The following RFX3 variants were observed in gnomAD, a reference collection of about 807,000 sequenced individuals.
RFX3 encodes the protein transcription factor RFX3.
In RFX3, 14 loss-of-function variants were observed where a neutral mutation model predicts 98.6. That is an observed-to-expected ratio of 0.14 (90% CI 0.09 to 0.22). RFX3 has a LOEUF of 0.22. Among genes scored for constraint, RFX3 ranks in the 10% least tolerant of loss-of-function variants. The pLI is 1.00. For synonymous variants in RFX3, 383 were observed against 328.4 expected, an observed-to-expected ratio of 1.17 and a Z score of -1.80; for missense variants, 639 against 926.9, an observed-to-expected ratio of 0.69 and a Z score of 4.03.
chr9:3,399,436 C>T lies in RFX3; in HGVS notation c.-8-3840G>A, dbSNP rs181261329. On this transcript the variant is annotated intron_variant, in intron 1 of 16. Coordinates refer to ENST00000617270, the MANE Select transcript of RFX3 (RefSeq NM_001282116.2). ...TCCAGCCTGGGCGACAAGACCAAAA[C>T]TCCGTCTCAAAACAAAAAACAAAAA... Among the ~76,000 whole-genome samples, 3 of 151,808 alleles carry T rather than the reference C, an allele frequency of 2.0e-5. 1 individual carries two copies. Among genetic ancestry groups the T allele is most frequent in the Non-Finnish European group, 4.4e-5 (3 of 67,906 alleles).
At chr9:3,449,668 A>G (rs1024948855) in intron 1 of RFX3, among the ~76,000 whole-genome samples, 2 of 152,084 alleles carry the variant, frequency 1.3e-5, no homozygotes, top group African/African-American at 4.8e-5. Context: ...CCTGGGCAAC[A>G]TGGCAAGACC....
At chr9:3,480,391 T>C (rs1849637088) in intron 1 of RFX3, among the ~76,000 whole-genome samples, 1 of 152,202 alleles carries the variant, frequency 6.6e-6, no homozygotes, top group Non-Finnish European at 1.5e-5. Context: ...CACAAAAGCA[T>C]AAGTTGTCGG....
At chr9:3,507,302 A>G (rs1587895003) in intron 1 of RFX3, among the ~76,000 whole-genome samples, 2 of 152,068 alleles carry the variant, frequency 1.3e-5, no homozygotes, top group Middle Eastern at 6.8e-3. Context: ...ATAAAGGATG[A>G]GAACTAAGTT....
At chr9:3,448,508 C>A (rs1471481763) in intron 1 of RFX3, among the ~76,000 whole-genome samples, 1 of 152,138 alleles carries the variant, frequency 6.6e-6, no homozygotes, top group East Asian at 1.9e-4. Flanking sequence ...CCACATATTT[C>A]TTTTTCTTCT....
At chr9:3,492,098 A>G (rs567896838) in intron 1 of RFX3, among the ~76,000 whole-genome samples, 3 of 152,192 alleles carry the variant, frequency 2.0e-5, no homozygotes, top group Admixed American at 6.5e-5. Context: ...AATCAGTACT[A>G]GATGCTTGGC....
chr9:3,319,365 T>G (rs1291623098), intron 4 of RFX3, among the ~76,000 whole-genome samples: 5 of 152,184 alleles, frequency 3.3e-5, no homozygotes, highest in African/African-American at 1.2e-4. Flanking sequence ...CTTTTTTTTT[T>G]TCATTGCCAG....
At chr9:3,325,257 C>T (rs1831781170) in intron 4 of RFX3, among the ~76,000 whole-genome samples, 1 of 152,102 alleles carries the variant, frequency 6.6e-6, no homozygotes, top group Non-Finnish European at 1.5e-5. Context: ...AATTCATAAA[C>T]ATGCCAAACC....
intron 2 of RFX3, among the ~76,000 whole-genome samples, chr9:3,349,610 A>G (rs1227129194): frequency 6.6e-6 from 1 of 151,798 alleles, no homozygotes; most frequent in East Asian, 1.9e-4. Context: ...AACCATTTTC[A>G]CTATGTTTAG....
chr9:3,509,283 T>G (rs1397147517), intron 1 of RFX3, among the ~76,000 whole-genome samples: 1 of 151,986 alleles, frequency 6.6e-6, no homozygotes, highest in African/African-American at 2.4e-5. Context: ...GCCAGTATTT[T>G]ACTTTTGTTC....
chr9:3,264,013 G>C (rs1468414911), intron 12 of RFX3, among the ~76,000 whole-genome samples: 1 of 152,036 alleles, frequency 6.6e-6, no homozygotes, highest in Non-Finnish European at 1.5e-5. Flanking sequence ...TTCATTCCTA[G>C]GGATGGTTAG....
intron 7 of RFX3, among the ~76,000 whole-genome samples, chr9:3,285,372 T>G (rs1310436085): frequency 6.6e-6 from 1 of 151,860 alleles, no homozygotes; most frequent in Non-Finnish European, 1.5e-5. Flanking sequence ...ATTGAAAATT[T>G]TTTTAAGCCA....
intron 7 of RFX3, among the ~76,000 whole-genome samples, chr9:3,279,172 C>T (rs1825616586): frequency 6.6e-6 from 1 of 151,752 alleles, no homozygotes; most frequent in African/African-American, 2.4e-5. Context: ...AGAGCAGTTG[C>T]TAGCCATTCT....
chr9:3,459,269 T>A (rs1460200932), intron 1 of RFX3, among the ~76,000 whole-genome samples: 1 of 152,196 alleles, frequency 6.6e-6, no homozygotes, highest in Admixed American at 6.5e-5. Context: ...AGGTGACAAC[T>A]GTTTGCTGTG....
At chr9:3,320,422 C>T (rs910593860) in intron 4 of RFX3, among the ~76,000 whole-genome samples, 5 of 151,730 alleles carry the variant, frequency 3.3e-5, no homozygotes, top group Admixed American at 2.0e-4. Flanking sequence ...GGTGTGGTGG[C>T]GCATGCCTGT....
At chr9:3,424,750 G>C (rs1207984227) in intron 1 of RFX3, among the ~76,000 whole-genome samples, 1 of 151,994 alleles carries the variant, frequency 6.6e-6, no homozygotes, top group Non-Finnish European at 1.5e-5. Context: ...TTCATGCTCT[G>C]CAATTCCATA....
At chr9:3,475,400 C>T (rs896396580) in intron 1 of RFX3, among the ~76,000 whole-genome samples, 1 of 151,178 alleles carries the variant, frequency 6.6e-6, no homozygotes, top group Non-Finnish European at 1.5e-5. Flanking sequence ...TTATTGGAAA[C>T]AAGGCAAAAG....
chr9:3,312,819 G>T (rs1830120732), intron 4 of RFX3, among the ~76,000 whole-genome samples: 1 of 152,210 alleles, frequency 6.6e-6, no homozygotes, highest in Non-Finnish European at 1.5e-5. Flanking sequence ...GCTGGGAGAG[G>T]GGCGTCCGCC....
chr9:3,348,799 T>C (rs971087394), intron 2 of RFX3, among the ~76,000 whole-genome samples: 2 of 152,050 alleles, frequency 1.3e-5, no homozygotes, highest in Non-Finnish European at 1.5e-5. Flanking sequence ...AATTGTCCCA[T>C]TGTTGGCCAA....
rs191414013 is a variant in RFX3, at chr9:3,504,350, C to T, written c.-9+21397G>A. Among the ~76,000 whole-genome samples, 581 of 115,376 alleles carry T rather than the reference C, an allele frequency of 5.0e-3. 14 individuals are homozygous for T. Among genetic ancestry groups the T allele is most frequent in the Middle Eastern group, 0.022 (4 of 182 alleles). 75.7% of individuals were successfully genotyped at this position (115,376 alleles called of 152,430 possible). ...AAAATATATATTATATGCCACATAG[C>T]ATATATTGTATATAAAATATATATT... On this transcript the variant is annotated intron_variant, in intron 1 of 16. Coordinates refer to ENST00000617270, the MANE Select transcript of RFX3 (RefSeq NM_001282116.2).
Sources: allele counts gnomAD v4.1 joint callset (sites outside exome capture counted in the v4.1 genomes callset), GRCh38; gene constraint gnomAD v4.1.1; transcripts MANE v1.5; gene names NCBI Gene and HGNC (gene_info 2026-07-23, HGNC 2026-07-21).